PSG9: variants seen among roughly 807,000 people sequenced by gnomAD.
PSG9 encodes pregnancy specific beta-1-glycoprotein 9, also known as pregnancy-specific beta-1-glycoprotein 9.
In PSG9, 49 loss-of-function variants were observed where a neutral mutation model predicts 41.9. That is an observed-to-expected ratio of 1.17 (90% CI 0.93 to 1.48). The LOEUF (loss-of-function observed/expected upper bound fraction) is 1.48, where lower values mean the gene tolerates loss of function less well. Among genes scored for constraint, PSG9 ranks in the 40% most tolerant of loss-of-function variants. The pLI is 0.00. For synonymous variants in PSG9, 263 were observed against 196.8 expected (o/e 1.34, Z -2.82); for missense variants, 641 against 520.3 (o/e 1.23, Z -2.26).
At chr19:43,261,538 G>T (rs1353781413) in intron 3 of PSG9, among the ~76,000 whole-genome samples, 2 of 152,196 alleles carry the variant, frequency 1.3e-5, no homozygotes, top group Non-Finnish European at 2.9e-5. Context: ...GGGCCACAGT[G>T]ACCCTGTGAG....
At position 43,267,976 on chromosome 19, in the gene PSG9, T is replaced by C. The variant is rs755506623; in HGVS notation, c.238A>G (p.Ile80Val). 1.9e-6 allele frequency: 3 copies of C among 1,613,592 alleles called. No individual in the cohort carries two copies. Among genetic ancestry groups the C allele is most frequent in the South Asian group, 1.1e-5 (1 of 91,072 alleles). The change falls in exon 2 of 6, where the codon ATA becomes GTA. Residue 80 changes from isoleucine (I) to valine (V), a missense_variant. By Grantham distance (29) the Ile-to-Val change is conservative. Coordinates refer to ENST00000270077, the MANE Select transcript of PSG9 (RefSeq NM_002784.5). ...ATTTTACCATCAACTATATACGATATAATGTAATGGTAGAGGTCCGTCATT... is the reference window on the plus strand; with the variant it reads ...ATTTTACCATCAACTATATACGATACAATGTAATGGTAGAGGTCCGTCATT... The part of the protein sequence containing the change: ...GEMTDLYHYI[I>V]SYIVDGKIII...
intron 2 of PSG9, among the ~76,000 whole-genome samples, chr19:43,266,419 G>C (rs1968969914): frequency 6.6e-6 from 1 of 151,892 alleles, no homozygotes; most frequent in Admixed American, 6.6e-5. Flanking sequence ...CATTCATTAT[G>C]TGAGAGCTCC....
At position 43,261,889 on chromosome 19, in the gene PSG9, C is replaced by A. The variant is rs147736357; in HGVS notation, c.680G>T (p.Arg227Leu). The A allele has an allele frequency of 6.2e-6, 10 of 1,614,010 alleles. No homozygotes were observed. The highest frequency in any genetic ancestry group is 8.5e-6 in the Non-Finnish European group (10 of 1,179,932). Residue 227 changes from arginine (R) to leucine (L), a missense_variant, in exon 3 of 6, where the codon CGC becomes CTC. Coordinates refer to ENST00000270077, the MANE Select transcript of PSG9 (RefSeq NM_002784.5). ...GAGATTCAGGGTGACTGGGTCACTG[C>A]GACTGGCACTCACTGGGTTCCGTAT... is the stretch of plus-strand genomic sequence containing the variant. The part of the protein sequence containing the change: ...CEIRNPVSAS[R>L]SDPVTLNLLP...
chr19:43,256,681 CAAT>C lies in PSG9; in HGVS notation c.1243+1518_1243+1520del, dbSNP rs1032595297. 1.9e-4 allele frequency among the ~76,000 whole-genome samples: 28 copies of C among 146,572 alleles called. 2 individuals carry two copies. Among genetic ancestry groups the C allele is most frequent in the African/African-American group, 6.5e-4 (25 of 38,628 alleles). ...TTAGGATGGCTTTGATAAACAACAACAATGACAACAACACAAAACAACAGGTGT... is the reference window on the plus strand; with the variant it reads ...TTAGGATGGCTTTGATAAACAACAACGACAACAACACAAAACAACAGGTGT... On this transcript the variant is annotated intron_variant, in intron 5 of 5. Coordinates refer to ENST00000270077, the MANE Select transcript of PSG9 (RefSeq NM_002784.5).
At chr19:43,254,234 T>C (rs950307936) in intron 5 of PSG9, among the ~76,000 whole-genome samples, 2 of 146,316 alleles carry the variant, frequency 1.4e-5, no homozygotes, top group African/African-American at 5.2e-5. Flanking sequence ...TATTTCCATT[T>C]TGCCGATGAA....
chr19:43,259,412 C>G, intron 3 of PSG9: 1 of 530,508 alleles, frequency 1.9e-6, no homozygotes, highest in Non-Finnish European at 2.9e-6. Flanking sequence ...GTCACAGCCC[C>G]TGGTACCCCT....
At chr19:43,266,564 G>T (rs1370012116) in intron 2 of PSG9, among the ~76,000 whole-genome samples, 1 of 151,984 alleles carries the variant, frequency 6.6e-6, no homozygotes, top group East Asian at 1.9e-4. Flanking sequence ...TTCAGTGATG[G>T]GGGTTAAGAT....
chr19:43,268,287 C>CA (rs1599843921), intron 1 of PSG9, 138 bp from the exon 2 acceptor site: 2 of 1,326,470 alleles, frequency 1.5e-6, no homozygotes, highest in Non-Finnish European at 2.1e-6. Flanking sequence ...CAAACACACA[C>CA]AAAAAACGGG....
chr19:43,257,433 C>T (rs1055631444), intron 5 of PSG9: 5 of 977,506 alleles, frequency 5.1e-6, no homozygotes, highest in Non-Finnish European at 6.0e-6. Context: ...CGGTGAATCT[C>T]CCTATTCCTC....
At chr19:43,268,256 ACACACACG>A in intron 1 of PSG9, 107 bp from the exon 2 acceptor site, 1 of 1,393,590 alleles carries the variant, frequency 7.2e-7, no homozygotes. Context: ...CCTTGAAGAT[ACACACACG>A]CACACATACA....
chr19:43,259,327 T>C, intron 3 of PSG9, 192 bp from the exon 4 acceptor site: 1 of 1,120,760 alleles, frequency 8.9e-7, no homozygotes, highest in Non-Finnish European at 1.2e-6. Context: ...GCCTGCTCTG[T>C]CTTAGGGAAG....
intron 2 of PSG9, among the ~76,000 whole-genome samples, chr19:43,264,098 A>G (rs1422054472): frequency 6.6e-6 from 1 of 152,048 alleles, no homozygotes; most frequent in Non-Finnish European, 1.5e-5. Context: ...GCAGAACTCC[A>G]ACTTATGAAA....
intron 2 of PSG9, among the ~76,000 whole-genome samples, chr19:43,264,674 G>A (rs1262322462): frequency 6.6e-6 from 1 of 152,138 alleles, no homozygotes; most frequent in Non-Finnish European, 1.5e-5. Flanking sequence ...AGCCAGGATT[G>A]TCTCCATCTC....
At position 43,268,438 on chromosome 19, in the gene PSG9, C is replaced by T. The variant is rs915666750; in HGVS notation, c.65-289G>A. Among the ~76,000 whole-genome samples the T allele has an allele frequency of 3.3e-5, 5 of 152,008 alleles. No individual in the cohort carries two copies. The East Asian group carries it at 7.8e-4, about 24-fold the overall frequency. On this transcript the variant is annotated intron_variant, in intron 1 of 5. Transcript: ENST00000270077. ...TCCTCTTCCCCAGGGGTCCACACGG[C>T]CCCCTCCACACTGCCCTCAGGTCCT...
In PSG9 at chr19:43,267,832, C is replaced by T; in HGVS notation, c.382G>A (p.Gly128Ser). Residue 128 changes from glycine to serine, a missense_variant, in exon 2 of 6, where the codon GGT becomes AGT. Gly to Ser is a moderately conservative substitution (Grantham distance 56). Transcript: ENST00000270077. ...GTYTLHIIKR[G>S]DETREEIRHF... ...CGAATTTCTTCTCTAGTCTCATCAC[C>T]TCGCTTTATGATGTGTAAGGTGTAG... 2 of 1,613,494 alleles carry T rather than the reference C, an allele frequency of 1.2e-6. No individual in the cohort carries two copies. The highest frequency in any genetic ancestry group is 1.7e-6 in the Non-Finnish European group (2 of 1,179,636).
At chr19:43,254,331 T>A (rs1329180773) in intron 5 of PSG9, among the ~76,000 whole-genome samples, 1 of 146,646 alleles carries the variant, frequency 6.8e-6, no homozygotes, top group Non-Finnish European at 1.5e-5. Flanking sequence ...CTAGGACTAT[T>A]TGACCTCAAG....
At chr19:43,261,728 A>G in intron 3 of PSG9, 132 bp downstream of exon 3, 1 of 1,604,978 alleles carries the variant, frequency 6.2e-7, no homozygotes. Context: ...TGGGGCAGAA[A>G]GTCATGGCCA....
chr19:43,268,066 C>G lies in PSG9; in HGVS notation c.148G>C (p.Asp50His). 1 of 1,613,744 alleles carries G rather than the reference C, an allele frequency of 6.2e-7. No homozygotes were observed. Among genetic ancestry groups the G allele is most frequent in the Non-Finnish European group, 8.5e-7 (1 of 1,179,848 alleles). ...AQPPKVSEGK[D>H]VLLLVHNLPQ... is the part of the protein sequence containing the mutation. Reference sequence around the variant, plus strand: ...AAATTGTGGACAAGTAGAAGAACATCCTTCCCCTCAGAAACTTTGGGTGGC... The same window carrying G: ...AAATTGTGGACAAGTAGAAGAACATGCTTCCCCTCAGAAACTTTGGGTGGC... Residue 50 changes from aspartate to histidine, a missense_variant, in exon 2 of 6, where the codon GAT (aspartate) becomes CAT (histidine). Transcript: ENST00000270077.
chr19:43,264,314 T>C (rs1365874830), intron 2 of PSG9, among the ~76,000 whole-genome samples: 2 of 152,174 alleles, frequency 1.3e-5, no homozygotes, highest in African/African-American at 4.8e-5. Context: ...TTGAATATGT[T>C]GTTCCACTTT....
Sources: allele counts gnomAD v4.1 joint callset (sites outside exome capture counted in the v4.1 genomes callset), GRCh38; gene constraint gnomAD v4.1.1; transcripts MANE v1.5; gene names NCBI Gene and HGNC (gene_info 2026-07-23, HGNC 2026-07-21).